LRRC8C: variants seen among roughly 807,000 people sequenced by gnomAD.
LRRC8C encodes the protein volume-regulated anion channel subunit LRRC8C.
In LRRC8C, 20 loss-of-function variants were observed where a neutral mutation model predicts 55.3. The ratio of observed to expected loss-of-function variants is 0.36; its 90% CI spans 0.25 to 0.53. LRRC8C has a LOEUF of 0.53. Ranked by LOEUF, LRRC8C falls within the 20% of genes least tolerant of loss-of-function variation. The pLI is 0.92. For missense variants in LRRC8C, 659 were observed against 951.4 expected (o/e 0.69, Z 4.04); for synonymous variants, 376 against 360.7 (o/e 1.04, Z -0.48).
the LRRC8C span, chr1:89,626,958 T>TAG: frequency 1.7e-5 from 2 of 116,052 alleles, no homozygotes; most frequent in Non-Finnish European, 3.4e-5. Context: ...CCCTCTAGTC[T>TAG]AGACACACAC....
chr1:89,652,282 T>C (rs1656811537), intron 1 of LRRC8C, among the ~76,000 whole-genome samples: 3 of 152,100 alleles, frequency 2.0e-5, no homozygotes, highest in South Asian at 2.1e-4. Flanking sequence ...AATTGAGATA[T>C]TGCTGCTAAG....
At chr1:89,659,160 C>A (rs1054535431) in intron 1 of LRRC8C, among the ~76,000 whole-genome samples, 9 of 149,710 alleles carry the variant, frequency 6.0e-5, no homozygotes, top group African/African-American at 2.0e-4. Flanking sequence ...CTCTGGGGCT[C>A]AAGCAGTCCT....
chr1:89,708,886 T>C (rs910003624), intron 2 of LRRC8C, among the ~76,000 whole-genome samples: 1 of 152,246 alleles, frequency 6.6e-6, no homozygotes, highest in Non-Finnish European at 1.5e-5. Context: ...TGCAGGAGTC[T>C]TCTTGTGATG....
chr1:89,685,358 A>G (rs938291690), intron 1 of LRRC8C, among the ~76,000 whole-genome samples: 101 of 137,404 alleles, frequency 7.4e-4, no homozygotes, highest in South Asian at 3.7e-3. Flanking sequence ...CTCATGATCC[A>G]CCCGCCTCGG....
chr1:89,691,323 T>A (rs1658021733), intron 2 of LRRC8C, among the ~76,000 whole-genome samples: 1 of 152,088 alleles, frequency 6.6e-6, no homozygotes, highest in African/African-American at 2.4e-5. Flanking sequence ...AAAACCAAAA[T>A]ATATATTTTA....
chr1:89,697,979 G>A (rs1447098579), intron 2 of LRRC8C, among the ~76,000 whole-genome samples: 4 of 152,144 alleles, frequency 2.6e-5, no homozygotes, highest in Non-Finnish European at 4.4e-5. Context: ...AGAAAAGTTA[G>A]TATGTCAATA....
At chr1:89,674,290 C>T (rs775790295) in intron 1 of LRRC8C, among the ~76,000 whole-genome samples, 10 of 152,160 alleles carry the variant, frequency 6.6e-5, no homozygotes, top group South Asian at 2.1e-4. Context: ...CCACCTAGAG[C>T]CTTCCTATAA....
the LRRC8C span, among the ~76,000 whole-genome samples, chr1:89,616,704 G>A: frequency 2.0e-5 from 3 of 152,244 alleles, no homozygotes; most frequent in Non-Finnish European, 2.9e-5. Context: ...ATGCCATAAG[G>A]AGGCTCATAG....
At chr1:89,652,492 A>T (rs1049023503) in intron 1 of LRRC8C, among the ~76,000 whole-genome samples, 9 of 152,184 alleles carry the variant, frequency 5.9e-5, no homozygotes, top group African/African-American at 2.2e-4. Context: ...GGTCTCTGGG[A>T]TATCTTAAAA....
At chr1:89,680,172 G>A (rs1044025398) in intron 1 of LRRC8C, among the ~76,000 whole-genome samples, 2 of 151,696 alleles carry the variant, frequency 1.3e-5, no homozygotes, top group African/African-American at 4.8e-5. Flanking sequence ...CCACCTCCTG[G>A]GTTCACACCA....
In LRRC8C at chr1:89,695,981, G is replaced by A. The variant is rs567684273; in HGVS notation, c.138+9370G>A. On this transcript the variant is annotated intron_variant, in intron 2 of 2. Transcript: ENST00000370454. ...CTTTAGAAACTGTAGACCTCAAAAT[G>A]TCTTCTCTGGGCAATTACTCTGATC... is the stretch of plus-strand genomic sequence containing the variant. 3.3e-5 allele frequency among the ~76,000 whole-genome samples: 5 copies of A among 152,270 alleles called. 1 individual carries two copies. The highest frequency in any genetic ancestry group is 7.2e-5 in the African/African-American group (3 of 41,558).
upstream of LRRC8C, among the ~76,000 whole-genome samples, chr1:89,628,103 T>G (rs554239112): frequency 6.6e-6 from 1 of 152,320 alleles, no homozygotes; most frequent in African/African-American, 2.4e-5. Flanking sequence ...CAAAGAAAAT[T>G]TCACAAGTTA....
At chr1:89,639,099 C>T (rs1393266625) in intron 1 of LRRC8C, among the ~76,000 whole-genome samples, 3 of 151,882 alleles carry the variant, frequency 2.0e-5, no homozygotes, top group African/African-American at 7.3e-5. Context: ...GATTCTCCTG[C>T]CTCAGCCTCT....
At position 89,640,044 on chromosome 1, in the gene LRRC8C, A is replaced by G. The variant is rs1303360043; in HGVS notation, c.-5+6722A>G. Among the ~76,000 whole-genome samples, 3 of 152,340 alleles carry G rather than the reference A, an allele frequency of 2.0e-5. No individual in the cohort carries two copies. In the East Asian group the frequency reaches 5.8e-4, roughly 29 times the overall value. The stretch of plus-strand genomic sequence containing the variant: ...AAATAAACTAAAAATGTGAAAACTC[A>G]TACATCTTGTCAGTTCTCCTTATGT... On this transcript the variant is annotated intron_variant, in intron 1 of 2. Transcript: ENST00000370454.
intron 1 of LRRC8C, among the ~76,000 whole-genome samples, chr1:89,679,470 C>T (rs1008253803): frequency 6.6e-6 from 1 of 152,138 alleles, no homozygotes; most frequent in African/African-American, 2.4e-5. Flanking sequence ...ATGAGAATCA[C>T]TTGAACTCGG....
intron 2 of LRRC8C, among the ~76,000 whole-genome samples, chr1:89,704,844 C>T (rs1430500433): frequency 6.6e-6 from 1 of 152,044 alleles, no homozygotes; most frequent in Non-Finnish European, 1.5e-5. Flanking sequence ...ACTAGTTCAA[C>T]CATTGTGGAA....
At chr1:89,633,407 G>T (rs1254534022) in intron 1 of LRRC8C, 85 bp downstream of exon 1, 1 of 152,544 alleles carries the variant, frequency 6.6e-6, no homozygotes, top group Non-Finnish European at 1.5e-5. Context: ...GCCGGACCGG[G>T]ACTCGCCCCG....
At chr1:89,709,675 T>G (rs114365285) in intron 2 of LRRC8C, among the ~76,000 whole-genome samples, 1,571 of 152,192 alleles carry the variant, frequency 0.01, 33 homozygotes, top group African/African-American at 0.036. Context: ...CTTTTTACCT[T>G]CTATTTAATC....
At chr1:89,628,844 T>G (rs1462486184), upstream of LRRC8C, among the ~76,000 whole-genome samples, 1 of 152,104 alleles carries the variant, frequency 6.6e-6, no homozygotes, top group Non-Finnish European at 1.5e-5. Flanking sequence ...GGGGAAAAGG[T>G]TCTGGTTTAT....
Sources: gnomAD v4.1 joint callset for allele counts (sites outside exome capture counted in the v4.1 genomes callset) on GRCh38, gnomAD v4.1.1 for gene constraint, MANE v1.5 for transcripts, NCBI Gene and HGNC (gene_info 2026-07-23, HGNC 2026-07-21) for gene names.